CSMD3: variants seen among roughly 807,000 people sequenced by gnomAD.
CSMD3 encodes the protein CUB and sushi domain-containing protein 3.
CSMD3 carries 177 observed loss-of-function variants against 435.2 expected under a neutral mutation model. The ratio of observed to expected loss-of-function variants is 0.41; its 90% confidence interval spans 0.36 to 0.46. The LOEUF is 0.46. Ranked by LOEUF, CSMD3 falls within the 20% of genes least tolerant of loss-of-function variation. The pLI, the probability that CSMD3 is intolerant of heterozygous loss-of-function variation, is 0.34. For synonymous variants in CSMD3, 1,656 were observed against 1,520.5 expected (o/e 1.09, Z -2.07); for missense variants, 4,265 against 4,504.6 (o/e 0.95, Z 1.52).
intron 32 of CSMD3, among the ~76,000 whole-genome samples, chr8:112,425,576 G>A (rs994183909): frequency 6.6e-6 from 1 of 152,102 alleles, no homozygotes; most frequent in African/African-American, 2.4e-5. Flanking sequence ...TACCCCAAGG[G>A]AGACTTATGC....
In CSMD3 at chr8:112,314,520, C is replaced by T. The variant is rs764576410; in HGVS notation, c.7458G>A (p.Trp2486Ter). The change falls in exon 48 of 71, where the codon TGG (tryptophan) becomes TGA (stop). Residue 2486 changes from tryptophan to a stop codon, truncating the protein, a stop_gained. Coordinates refer to ENST00000297405, the MANE Select transcript of CSMD3 (RefSeq NM_198123.2). LOFTEE classifies it high-confidence loss of function. Reference protein sequence around the residue: ...DSYPNLQMCAWSISVEKGYNI... With the variant: ...DSYPNLQMCA ...TATAACCCTTTTCCACTGAAATGCT[C>T]CATGCACACATTTGAAGATTTGGGT... 6.2e-7 allele frequency: 1 copy of T among 1,611,378 alleles called. No homozygotes were observed. Among genetic ancestry groups the T allele is most frequent in the Non-Finnish European group, 8.5e-7 (1 of 1,177,682 alleles).
At chr8:112,372,732 C>T (rs1320222734) in intron 38 of CSMD3, among the ~76,000 whole-genome samples, 1 of 151,610 alleles carries the variant, frequency 6.6e-6, no homozygotes, top group East Asian at 1.9e-4. Flanking sequence ...ACATGTAGTC[C>T]CAGCTACTCA....
intron 41 of CSMD3, among the ~76,000 whole-genome samples, chr8:112,342,272 A>G (rs187707297): frequency 1.3e-5 from 2 of 152,212 alleles, no homozygotes; most frequent in African/African-American, 2.4e-5. Context: ...GATCATTGTT[A>G]TATGTGGTCA....
chr8:112,722,014 A>T (rs1407868892), intron 13 of CSMD3, among the ~76,000 whole-genome samples: 2 of 152,092 alleles, frequency 1.3e-5, no homozygotes, highest in Non-Finnish European at 2.9e-5. Context: ...AAATGTATAC[A>T]ATTTGGGGAC....
chr8:112,250,442 G>A (rs1037192897), intron 63 of CSMD3, among the ~76,000 whole-genome samples: 1 of 151,396 alleles, frequency 6.6e-6, no homozygotes, highest in Non-Finnish European at 1.5e-5. Flanking sequence ...ACTTGTTATA[G>A]TCAAATCAAC....
At chr8:112,366,730 T>C (rs756648656) in intron 38 of CSMD3, among the ~76,000 whole-genome samples, 3 of 152,116 alleles carry the variant, frequency 2.0e-5, no homozygotes, top group Non-Finnish European at 4.4e-5. Context: ...ATTTGGCTCC[T>C]TTTGACTTCC....
intron 1 of CSMD3, among the ~76,000 whole-genome samples, chr8:113,332,000 C>T (rs149586607): frequency 3.2e-4 from 49 of 151,668 alleles, no homozygotes; most frequent in South Asian, 3.1e-3. Flanking sequence ...TATTTGCTGA[C>T]GGCAGGATCT....
chr8:112,864,242 T>TTTG (rs145869978), intron 10 of CSMD3, among the ~76,000 whole-genome samples: 28 of 151,778 alleles, frequency 1.8e-4, no homozygotes, highest in African/African-American at 2.9e-4. Flanking sequence ...TTGTTTTTGT[T>TTTG]TTGTTGTTGT....
rs114516008 is a variant in CSMD3 at position 112,946,251 on chromosome 8, C to T, written c.1508+1539G>A. On this transcript the variant is annotated intron_variant, in intron 9 of 70. Coordinates refer to ENST00000297405, the MANE Select transcript of CSMD3 (RefSeq NM_198123.2). The stretch of plus-strand genomic sequence containing the variant: ...TTTGTCAAAAGCTGTATGGTTACTA[C>T]GAGGCATAAGTTATCTCATGTGATC... Among the ~76,000 whole-genome samples the T allele has an allele frequency of 3.3e-3, 497 of 151,758 alleles. 4 individuals carry two copies. The highest frequency in any genetic ancestry group is 0.01 in the African/African-American group (431 of 41,486).
At chr8:113,435,639 A>T (rs983280639) in intron 1 of CSMD3, among the ~76,000 whole-genome samples, 6 of 139,194 alleles carry the variant, frequency 4.3e-5, no homozygotes, top group African/African-American at 1.6e-4. Context: ...ACACACAGAC[A>T]CCCGGGATTT....
At chr8:113,112,474 TACACAC>T (rs10587896) in intron 4 of CSMD3, among the ~76,000 whole-genome samples, 1,094 of 96,504 alleles carry the variant, frequency 0.011, 31 homozygotes, top group Middle Eastern at 0.026. Flanking sequence ...CACACACACG[TACACAC>T]ACACACACAC....
At chr8:112,997,389 T>C (rs1172428940) in intron 6 of CSMD3, among the ~76,000 whole-genome samples, 1 of 151,678 alleles carries the variant, frequency 6.6e-6, no homozygotes, top group Admixed American at 6.6e-5. Flanking sequence ...CAATTTATAA[T>C]GTACATTAAT....
intron 5 of CSMD3, among the ~76,000 whole-genome samples, chr8:113,043,093 T>C (rs1310313612): frequency 6.6e-6 from 1 of 152,224 alleles, no homozygotes; most frequent in Non-Finnish European, 1.5e-5. Context: ...GTTGCAAATA[T>C]AGTATTCTTT....
chr8:113,088,855 TATA>T (rs1368228448), intron 5 of CSMD3, among the ~76,000 whole-genome samples: 2 of 151,810 alleles, frequency 1.3e-5, no homozygotes, highest in African/African-American at 4.8e-5. Context: ...AAACTTAAAG[TATA>T]ATAATAAAAA....
intron 3 of CSMD3, among the ~76,000 whole-genome samples, chr8:113,231,209 T>A (rs1298960929): frequency 6.6e-6 from 1 of 151,452 alleles, no homozygotes; most frequent in East Asian, 1.9e-4. Context: ...TTTTTCTTTA[T>A]AGTTATACCT....
intron 12 of CSMD3, among the ~76,000 whole-genome samples, chr8:112,807,492 G>A (rs1283810446): frequency 5.7e-4 from 3 of 5,282 alleles, no homozygotes; most frequent in Non-Finnish European, 9.4e-4. Context: ...TTCTTGATAG[G>A]TAGGTAGGTA....
intron 32 of CSMD3, among the ~76,000 whole-genome samples, chr8:112,465,691 G>A (rs537155847): frequency 6.6e-6 from 1 of 152,134 alleles, no homozygotes; most frequent in East Asian, 1.9e-4. Context: ...TAGAAAAAAA[G>A]AGGCTGGGTG....
intron 3 of CSMD3, among the ~76,000 whole-genome samples, chr8:113,270,418 G>A (rs2093513066): frequency 6.6e-6 from 1 of 152,154 alleles, no homozygotes; most frequent in African/African-American, 2.4e-5. Context: ...ATAGTGTGGT[G>A]ATTCCTCATG....
intron 3 of CSMD3, among the ~76,000 whole-genome samples, chr8:113,210,133 T>C (rs2092817163): frequency 6.6e-6 from 1 of 151,986 alleles, no homozygotes; most frequent in South Asian, 2.1e-4. Context: ...GGAAGTATCA[T>C]ATTTTGCTTT....
Sources: gnomAD v4.1 joint callset for allele counts (sites outside exome capture counted in the v4.1 genomes callset) on GRCh38, gnomAD v4.1.1 for gene constraint, MANE v1.5 for transcripts, NCBI Gene and HGNC (gene_info 2026-07-23, HGNC 2026-07-21) for gene names.